The following ATP8A1 variants were observed in gnomAD, a reference collection of about 807,000 sequenced individuals.
The protein encoded by ATP8A1 is ATPase phospholipid transporting 8A1.
Under a neutral mutation model 177.7 loss-of-function variants are expected in ATP8A1, and 90 were observed. The ratio of observed to expected loss-of-function variants is 0.51; its 90% confidence interval spans 0.43 to 0.60. ATP8A1 has a LOEUF of 0.60. Ranked by LOEUF, ATP8A1 falls within the 20% of genes least tolerant of loss-of-function variation. The pLI, the probability that ATP8A1 is intolerant of heterozygous loss-of-function variation, is 0.00. For synonymous variants in ATP8A1, 493 were observed against 485.9 expected (o/e 1.01, Z -0.19); for missense variants, 1,072 against 1,392.8 (o/e 0.77, Z 3.67).
At chr4:42,605,482 A>G (rs774142237) in intron 5 of ATP8A1, among the ~76,000 whole-genome samples, 1 of 152,192 alleles carries the variant, frequency 6.6e-6, no homozygotes, top group Non-Finnish European at 1.5e-5. Context: ...ACACATGGGA[A>G]GTGTCACAAC....
intron 4 of ATP8A1, among the ~76,000 whole-genome samples, chr4:42,617,613 T>C (rs1737049202): frequency 6.6e-6 from 1 of 152,188 alleles, no homozygotes; most frequent in South Asian, 2.1e-4. Context: ...CCAAGGTAAA[T>C]TTAGATATTC....
At chr4:42,435,134 A>G (rs1560319773) in intron 33 of ATP8A1, among the ~76,000 whole-genome samples, 1 of 152,180 alleles carries the variant, frequency 6.6e-6, no homozygotes, top group African/African-American at 2.4e-5. Flanking sequence ...TGCAAGAATT[A>G]TGTCCAGTTG....
rs376699635 is a variant in ATP8A1 at position 42,464,763 on chromosome 4, G to C, written c.2546C>G (p.Ala849Gly). The change falls in exon 27 of 37, where the codon GCC (alanine) becomes GGC (glycine). Residue 849 changes from alanine to glycine, a missense_variant. By Grantham distance (60) the Ala-to-Gly change is moderately conservative. This residue lies in a region of ATP8A1 where 316 missense variants were observed against 459.1 expected (regional missense o/e 0.69). Transcript: ENST00000381668. ...YLKNLLMIHGAWNYNRVSKCI... is the reference protein window; with the variant it reads ...YLKNLLMIHGGWNYNRVSKCI... Reference sequence around the variant, plus strand: ...CTTGGAGACTCTGTTATAGTTCCAGGCACCATGAATCATCAGTAAATTCTT... The same window carrying C: ...CTTGGAGACTCTGTTATAGTTCCAGCCACCATGAATCATCAGTAAATTCTT... 1.1e-4 allele frequency: 181 copies of C among 1,613,490 alleles called. No homozygotes were observed. The highest frequency in any genetic ancestry group is 2.3e-4 in the Admixed American group (14 of 59,988).
intron 29 of ATP8A1, among the ~76,000 whole-genome samples, chr4:42,452,695 A>G (rs1718060322): frequency 6.6e-6 from 1 of 152,174 alleles, no homozygotes; most frequent in Admixed American, 6.6e-5. Context: ...TTTTATATCT[A>G]TTGTATTTTA....
chr4:42,446,544 T>C (rs1486239244), intron 31 of ATP8A1, 39 bp downstream of exon 31: 1 of 1,587,196 alleles, frequency 6.3e-7, no homozygotes, highest in Non-Finnish European at 8.6e-7. Flanking sequence ...TGAAAGGTTT[T>C]GATTTTACAC....
intron 35 of ATP8A1, among the ~76,000 whole-genome samples, chr4:42,420,663 T>TG (rs1465435881): frequency 6.6e-6 from 1 of 152,196 alleles, no homozygotes; most frequent in Non-Finnish European, 1.5e-5. Context: ...ATTAACATAC[T>TG]TACAAATCTG....
chr4:42,534,054 A>G (rs987951855), intron 20 of ATP8A1, among the ~76,000 whole-genome samples: 3 of 152,214 alleles, frequency 2.0e-5, no homozygotes, highest in Admixed American at 6.5e-5. Context: ...TCCCTCTGAC[A>G]TAGTCTACCC....
intron 24 of ATP8A1, among the ~76,000 whole-genome samples, chr4:42,486,860 G>A (rs1722247347): frequency 6.6e-6 from 1 of 152,204 alleles, no homozygotes; most frequent in Non-Finnish European, 1.5e-5. Context: ...ATCTTGTGTA[G>A]CCTGAGTCTG....
chr4:42,498,486 T>A (rs2153192273), intron 24 of ATP8A1, among the ~76,000 whole-genome samples: 1 of 152,324 alleles, frequency 6.6e-6, no homozygotes. Flanking sequence ...CTTGTTAACT[T>A]AATATCCAAT....
chr4:42,555,422 GA>G, intron 16 of ATP8A1, among the ~76,000 whole-genome samples: 1 of 152,010 alleles, frequency 6.6e-6, no homozygotes, highest in East Asian at 1.9e-4. Flanking sequence ...GAAACAATTT[GA>G]AAAGACAGAA....
At chr4:42,431,177 T>C (rs1406232961) in intron 33 of ATP8A1, among the ~76,000 whole-genome samples, 1 of 152,212 alleles carries the variant, frequency 6.6e-6, no homozygotes, top group African/African-American at 2.4e-5. Flanking sequence ...TTGAAAAATT[T>C]TTATTATAAA....
intron 22 of ATP8A1, among the ~76,000 whole-genome samples, chr4:42,520,589 G>A (rs1726013537): frequency 6.6e-6 from 1 of 152,074 alleles, no homozygotes; most frequent in Non-Finnish European, 1.5e-5. Context: ...GGGGAAGATA[G>A]GCAAGAGAGA....
At chr4:42,600,726 A>T (rs147841842) in intron 5 of ATP8A1, among the ~76,000 whole-genome samples, 1 of 152,306 alleles carries the variant, frequency 6.6e-6, no homozygotes, top group East Asian at 1.9e-4. Context: ...CCACAACATC[A>T]CTAACAGAGA....
At position 42,455,333 on chromosome 4, in the gene ATP8A1, G is replaced by A; in HGVS notation, c.2781C>T (p.Tyr927=). The A allele has an allele frequency of 6.2e-7, 1 of 1,613,830 alleles. No individual in the cohort carries two copies. ...KENMLKYPEL[Y]KTSQNALDFN... ...AGTCCAGGGCATTCTGAGATGTTTT[G>A]TATAATTCAGGGTACTTCAACATGT... Residue 927 remains tyrosine (Y), a synonymous_variant, in exon 29 of 37, where the codon TAC becomes TAT. Transcript: ENST00000381668.
At chr4:42,475,241 T>C (rs10006944) in intron 25 of ATP8A1, among the ~76,000 whole-genome samples, 62,698 of 151,886 alleles carry the variant, frequency 0.41, 13,166 homozygotes, top group Middle Eastern at 0.51. Context: ...ACATGGCTCA[T>C]TGTAGCCTTG....
intron 24 of ATP8A1, among the ~76,000 whole-genome samples, chr4:42,486,883 C>T (rs930424679): frequency 1.3e-5 from 2 of 152,146 alleles, no homozygotes; most frequent in African/African-American, 4.8e-5. Context: ...ATAGGCTATG[C>T]CATCTAGGTT....
At chr4:42,637,972 A>C (rs761825791) in intron 1 of ATP8A1, among the ~76,000 whole-genome samples, 2 of 152,194 alleles carry the variant, frequency 1.3e-5, no homozygotes, top group Non-Finnish European at 2.9e-5. Context: ...ATAATAATAA[A>C]TGCTATGCAT....
chr4:42,617,644 C>T (rs1191900426), intron 4 of ATP8A1, among the ~76,000 whole-genome samples: 1 of 152,070 alleles, frequency 6.6e-6, no homozygotes, highest in Admixed American at 6.6e-5. Context: ...CAAATGTTTC[C>T]AAAATACGAG....
At chr4:42,562,742 C>A (rs112602774) in intron 15 of ATP8A1, among the ~76,000 whole-genome samples, 1 of 152,110 alleles carries the variant, frequency 6.6e-6, no homozygotes, top group Non-Finnish European at 1.5e-5. Flanking sequence ...GTGCTGTTCT[C>A]GTGACAGTGA....
Sources: gnomAD v4.1 joint callset for allele counts (sites outside exome capture counted in the v4.1 genomes callset) on GRCh38, gnomAD v4.1.1 for gene constraint, gnomAD v4.1.1 regional missense constraint, MANE v1.5 for transcripts, NCBI Gene and HGNC (gene_info 2026-07-23, HGNC 2026-07-21) for gene names.